RYR3: variants seen among roughly 807,000 people sequenced by gnomAD.
RYR3 encodes ryanodine receptor 3.
Under a neutral mutation model 584.3 loss-of-function variants are expected in RYR3, and 207 were observed. The observed-to-expected ratio is 0.35, with a 90% CI of 0.32 to 0.40. RYR3 has a LOEUF of 0.40. RYR3 is among the 10% of genes least tolerant of loss of function. The probability of loss-of-function intolerance (pLI) is 1.00; values close to 1 mark genes in which losing one functional copy is unlikely to be tolerated. For synonymous variants in RYR3, 2,416 were observed against 2,248.5 expected (o/e 1.07, Z -2.11); for missense variants, 5,616 against 6,089.2 (o/e 0.92, Z 2.59).
In RYR3 at chr15:33,613,371, G is replaced by T. The variant is rs374380667; in HGVS notation, c.2353G>T (p.Val785Phe). 1.0e-5 allele frequency: 16 copies of T among 1,596,100 alleles called. No individual in the cohort carries two copies. The highest frequency in any genetic ancestry group is 1.4e-5 in the Non-Finnish European group (16 of 1,169,982). ...FFPVMSFSAG[V>F]KVRFLMGGRH... ...CCCTGTGATGAGCTTTTCAGCAGGT[G>T]TCAAGTAAGTTATGGCTGTGATTTC... Residue 785 changes from valine to phenylalanine, a missense_variant, in exon 19 of 104, where the codon GTC becomes TTC. By Grantham distance (50) the Val-to-Phe change is conservative. Around this residue, in one of 9 missense-constraint regions of RYR3, gnomAD observed 1,284 missense variants for 1,344.6 expected, o/e 0.95. Transcript: ENST00000634891.
At chr15:33,854,322 C>T (rs1042031405) in intron 96 of RYR3, 67 bp from the exon 97 acceptor site, 1 of 1,332,660 alleles carries the variant, frequency 7.5e-7, no homozygotes, top group Non-Finnish European at 1.0e-6. Context: ...CTTACTTTTT[C>T]CCCCTTATTG....
rs774800216 is a variant in RYR3 at position 33,390,587 on chromosome 15, G to A, written c.51+79491G>A. 3.9e-5 allele frequency among the ~76,000 whole-genome samples: 6 copies of A among 152,166 alleles called. No individual in the cohort carries two copies. The highest frequency in any genetic ancestry group is 7.3e-5 in the Non-Finnish European group (5 of 68,028). ...GAGTTAACAAAGCAGGCATGAGGAG[G>A]CTATGTTTAGAAGGGTCTGTCTGCA... On this transcript the variant is annotated intron_variant, in intron 1 of 103. Coordinates refer to ENST00000634891, the MANE Select transcript of RYR3 (RefSeq NM_001036.6). This position sits in a 1 kb window ranked among gnomAD's most constrained non-coding sequence, Gnocchi z 4.2.
chr15:33,526,208 T>C (rs967751262), intron 3 of RYR3, among the ~76,000 whole-genome samples: 9 of 152,210 alleles, frequency 5.9e-5, no homozygotes, highest in African/African-American at 2.2e-4. Context: ...AAATATCCTC[T>C]GGGAACTACT....
intron 1 of RYR3, among the ~76,000 whole-genome samples, chr15:33,439,935 G>A (rs1378174211): frequency 1.3e-5 from 2 of 152,272 alleles, no homozygotes; most frequent in Non-Finnish European, 2.9e-5. Flanking sequence ...AGCATGGATA[G>A]CGACAGGTAG....
chr15:33,528,201 T>C (rs143280166), intron 3 of RYR3, among the ~76,000 whole-genome samples: 2 of 152,308 alleles, frequency 1.3e-5, no homozygotes, highest in East Asian at 3.9e-4. Context: ...AGTATCCTGT[T>C]AGCTGTGGAA....
chr15:33,566,528 C>T (rs1323012976), intron 11 of RYR3, 150 bp from the exon 12 acceptor site: 7 of 791,700 alleles, frequency 8.8e-6, no homozygotes, highest in Non-Finnish European at 1.5e-5. Context: ...GGTGCAATAG[C>T]TTCGCTAATG....
chr15:33,768,527 C>T, intron 60 of RYR3, 131 bp from the exon 61 acceptor site: 2 of 774,170 alleles, frequency 2.6e-6, no homozygotes, highest in South Asian at 1.5e-5. Context: ...TTGCTAGGAA[C>T]ATAGTGCATC....
chr15:33,637,352 C>A (rs1035829875), intron 27 of RYR3, among the ~76,000 whole-genome samples: 2 of 152,138 alleles, frequency 1.3e-5, no homozygotes, highest in Non-Finnish European at 2.9e-5. Flanking sequence ...ATGTTCTTCC[C>A]AGATATAAAA....
chr15:33,835,144 C>A, intron 87 of RYR3, 72 bp downstream of exon 87: 1 of 1,165,558 alleles, frequency 8.6e-7, no homozygotes, highest in South Asian at 1.3e-5. Flanking sequence ...TTGGTGTTCC[C>A]ATTGTGATGT....
At chr15:33,598,407 T>C (rs2467560) in intron 16 of RYR3, among the ~76,000 whole-genome samples, 67,486 of 146,196 alleles carry the variant, frequency 0.46, 15,534 homozygotes, top group East Asian at 0.8. Flanking sequence ...TTTTTAAATC[T>C]TATTACCGTA....
chr15:33,348,781 T>TA (rs61467091), intron 1 of RYR3, among the ~76,000 whole-genome samples: 8,890 of 148,334 alleles, frequency 0.06, 336 homozygotes, highest in Middle Eastern at 0.12. Context: ...TGGCCTAATT[T>TA]AAAAAAAAAA....
At chr15:33,439,055 C>G (rs561986227) in intron 1 of RYR3, among the ~76,000 whole-genome samples, 1 of 152,076 alleles carries the variant, frequency 6.6e-6, no homozygotes. Context: ...ATAAAAAGTT[C>G]TGTAATCTTT....
chr15:33,694,250 G>GTT (rs1050666286), intron 38 of RYR3, among the ~76,000 whole-genome samples: 1 of 142,776 alleles, frequency 7.0e-6, no homozygotes, highest in African/African-American at 2.6e-5. Context: ...ACTAGTTTTT[G>GTT]TTTTTTTTTT....
At chr15:33,732,371 G>C (rs1312129187) in intron 48 of RYR3, among the ~76,000 whole-genome samples, 1 of 133,962 alleles carries the variant, frequency 7.5e-6, no homozygotes, top group Non-Finnish European at 1.6e-5. Context: ...CTGGGCGACA[G>C]AGCAAGACTC....
intron 1 of RYR3, among the ~76,000 whole-genome samples, chr15:33,379,663 G>GTGTC (rs59850723): frequency 8.4e-5 from 8 of 94,972 alleles, no homozygotes; most frequent in Non-Finnish European, 1.2e-4. Flanking sequence ...GTGTGTGTGT[G>GTGTC]TCCCTCTCTC....
At chr15:33,787,916 G>A (rs983798119) in intron 66 of RYR3, among the ~76,000 whole-genome samples, 13 of 152,236 alleles carry the variant, frequency 8.5e-5, no homozygotes, top group Non-Finnish European at 1.5e-4. Context: ...AGTCTGTCAC[G>A]AAGAGCTAAG....
Position 33,844,892 on chromosome 15 carries a change from G to A in RYR3, c.13327G>A (p.Glu4443Lys). The A allele has an allele frequency of 6.2e-7, 1 of 1,614,010 alleles. No homozygotes were observed. Among genetic ancestry groups the A allele is most frequent in the Non-Finnish European group, 8.5e-7 (1 of 1,179,872 alleles). Residue 4443 changes from glutamate (E) to lysine (K), a missense_variant, in exon 93 of 104, where the codon GAG becomes AAG. Coordinates refer to ENST00000634891, the MANE Select transcript of RYR3 (RefSeq NM_001036.6). Reference sequence around the variant, plus strand: ...TGAAGAACCTTTAGAAGAAGAGACAGAGGATGTTGCAAACCTATGGAATTC... The same window carrying A: ...TGAAGAACCTTTAGAAGAAGAGACAAAGGATGTTGCAAACCTATGGAATTC... Reference protein sequence around the residue: ...VTEEPLEEETEDVANLWNSFN... With the variant: ...VTEEPLEEETKDVANLWNSFN...
chr15:33,661,244 C>T (rs999556292), intron 34 of RYR3, among the ~76,000 whole-genome samples: 5 of 152,084 alleles, frequency 3.3e-5, no homozygotes, highest in South Asian at 2.1e-4. Context: ...GAGATTAGAG[C>T]CGAGGCCCTG....
chr15:33,432,312 G>C (rs1310903741), intron 1 of RYR3, among the ~76,000 whole-genome samples: 2 of 152,026 alleles, frequency 1.3e-5, no homozygotes, highest in Non-Finnish European at 2.9e-5. Context: ...GGTATCTGGG[G>C]AACACAAAGG....
Sources: allele counts gnomAD v4.1 joint callset (sites outside exome capture counted in the v4.1 genomes callset), GRCh38; gene constraint gnomAD v4.1.1; regional missense constraint gnomAD v4.1.1; non-coding constraint Gnocchi (gnomAD v3.1); transcripts MANE v1.5; gene names NCBI Gene and HGNC (gene_info 2026-07-23, HGNC 2026-07-21).